MAGI1: variants seen among roughly 807,000 people sequenced by gnomAD.
The protein encoded by MAGI1 is membrane associated guanylate kinase, WW and PDZ domain containing 1, also known as membrane-associated guanylate kinase, WW and PDZ domain-containing protein 1.
MAGI1 carries 58 observed loss-of-function variants against 139.9 expected under a neutral mutation model. The observed-to-expected ratio is 0.41, with a 90% CI of 0.34 to 0.52. MAGI1 has a LOEUF of 0.52. MAGI1 is among the 20% of genes least tolerant of loss of function. The pLI is 0.12. For synonymous variants in MAGI1, 812 were observed against 737.9 expected, an observed-to-expected ratio of 1.10 and a Z score of -1.63; for missense variants, 1,874 against 1,901.6, an observed-to-expected ratio of 0.99 and a Z score of 0.27.
intron 1 of MAGI1, among the ~76,000 whole-genome samples, chr3:65,878,056 A>G (rs932027213): frequency 1.3e-5 from 2 of 152,088 alleles, no homozygotes; most frequent in Non-Finnish European, 2.9e-5. Flanking sequence ...AACTGCAGTA[A>G]GTCATCATCA....
chr3:65,927,347 A>G (rs1049462211), intron 1 of MAGI1, among the ~76,000 whole-genome samples: 1 of 152,170 alleles, frequency 6.6e-6, no homozygotes, highest in Non-Finnish European at 1.5e-5. Context: ...AAGATATTAA[A>G]GACTCACAGG....
intron 5 of MAGI1, among the ~76,000 whole-genome samples, chr3:65,466,782 G>C (rs1022211808): frequency 6.6e-6 from 1 of 151,862 alleles, no homozygotes; most frequent in African/African-American, 2.4e-5. Flanking sequence ...CTTACTGCCT[G>C]GATGCAAAGT....
At chr3:65,812,468 T>TCTCTCACACACA (rs1176899313) in intron 1 of MAGI1, among the ~76,000 whole-genome samples, 3 of 89,080 alleles carry the variant, frequency 3.4e-5, no homozygotes, top group African/African-American at 9.6e-5. Context: ...TCTCTCTCTC[T>TCTCTCACACACA]CACACACACA....
chr3:65,549,831 C>T (rs1316665808), intron 2 of MAGI1, among the ~76,000 whole-genome samples: 1 of 151,878 alleles, frequency 6.6e-6, no homozygotes, highest in Admixed American at 6.6e-5. Flanking sequence ...AGGGAGGTGC[C>T]GGTCAAACAC....
At chr3:65,384,813 C>T (rs1943323069) in intron 14 of MAGI1, among the ~76,000 whole-genome samples, 1 of 149,470 alleles carries the variant, frequency 6.7e-6, no homozygotes, top group South Asian at 2.1e-4. Context: ...GTGTGTTACA[C>T]ACAAATATTA....
intron 2 of MAGI1, among the ~76,000 whole-genome samples, chr3:65,530,744 C>T (rs1169700150): frequency 3.9e-5 from 3 of 76,438 alleles, no homozygotes; most frequent in Non-Finnish European, 2.6e-5. Context: ...TATATATGCA[C>T]ATATATATAC....
chr3:65,535,250 T>G (rs1372899568), intron 2 of MAGI1, among the ~76,000 whole-genome samples: 1 of 152,196 alleles, frequency 6.6e-6, no homozygotes, highest in East Asian at 1.9e-4. Context: ...AAAAGCCTGG[T>G]GCAGGAATAG....
Position 65,858,375 on chromosome 3 carries a change from A to G in MAGI1, c.313+179621T>C, listed in dbSNP as rs138360886. 3.9e-5 allele frequency among the ~76,000 whole-genome samples: 6 copies of G among 152,354 alleles called. No individual in the cohort carries two copies. In the East Asian group the frequency reaches 1.2e-3, roughly 29 times the overall value. On this transcript the variant is annotated intron_variant, in intron 1 of 22. Coordinates refer to ENST00000402939, the MANE Select transcript of MAGI1 (RefSeq NM_001033057.2). The stretch of plus-strand genomic sequence containing the variant: ...AAAGGAGCTCAGCCTACCATCTATG[A>G]CACAAGCCAGTTGTGGAGACAACAC...
intron 1 of MAGI1, among the ~76,000 whole-genome samples, chr3:65,706,821 ACT>A (rs2030389330): frequency 6.6e-6 from 1 of 152,028 alleles, no homozygotes; most frequent in South Asian, 2.1e-4. Flanking sequence ...AGACCACAGG[ACT>A]CTCTCAGCCA....
chr3:65,493,361 T>C, intron 3 of MAGI1, 151 bp downstream of exon 3: 1 of 808,868 alleles, frequency 1.2e-6, no homozygotes, highest in East Asian at 2.5e-5. Flanking sequence ...TCCATAGACT[T>C]TGTCTATTAT....
intron 2 of MAGI1, among the ~76,000 whole-genome samples, chr3:65,519,335 GACACACACACAC>G (rs35232258): frequency 0.21 from 29,453 of 138,728 alleles, 3,459 homozygotes; most frequent in Admixed American, 0.27. Context: ...ATCATGATCT[GACACACACACAC>G]ACACACACAC....
chr3:66,036,714 T>C, intron 1 of MAGI1, among the ~76,000 whole-genome samples: 1 of 152,218 alleles, frequency 6.6e-6, no homozygotes, highest in Non-Finnish European at 1.5e-5. Flanking sequence ...CAGCCCTTCC[T>C]TTGACACATT....
chr3:65,725,306 G>A (rs779347903), intron 1 of MAGI1, among the ~76,000 whole-genome samples: 1 of 152,164 alleles, frequency 6.6e-6, no homozygotes, highest in Admixed American at 6.6e-5. Context: ...GTGTACCCCA[G>A]TGTCTCCATC....
At chr3:65,844,246 G>A (rs1433007705) in intron 1 of MAGI1, 2 of 457,654 alleles carry the variant, frequency 4.4e-6, no homozygotes, top group East Asian at 5.8e-5. Flanking sequence ...AGATCCGGGT[G>A]AACAAAGCAC....
At chr3:65,599,056 A>G (rs963307529) in intron 2 of MAGI1, among the ~76,000 whole-genome samples, 24 of 152,302 alleles carry the variant, frequency 1.6e-4, no homozygotes, top group Admixed American at 1.4e-3. Flanking sequence ...TCCTCCAAGA[A>G]TTCATTACTA....
intron 2 of MAGI1, among the ~76,000 whole-genome samples, chr3:65,499,320 GA>G (rs2076994454): frequency 6.6e-6 from 1 of 152,128 alleles, no homozygotes; most frequent in Admixed American, 6.6e-5. Context: ...CCACCCTTGG[GA>G]AAATGTTTTA....
At chr3:65,773,903 T>C (rs1439696793) in intron 1 of MAGI1, among the ~76,000 whole-genome samples, 1 of 152,164 alleles carries the variant, frequency 6.6e-6, no homozygotes, top group Non-Finnish European at 1.5e-5. Context: ...AAGTTACTTG[T>C]GGTTGCTGAA....
intron 12 of MAGI1, among the ~76,000 whole-genome samples, chr3:65,416,948 CAT>C (rs1322333033): frequency 6.6e-6 from 1 of 152,110 alleles, no homozygotes; most frequent in East Asian, 1.9e-4. Flanking sequence ...CAGTAAGCAC[CAT>C]GGCAAATACT....
intron 1 of MAGI1, among the ~76,000 whole-genome samples, chr3:65,936,225 G>T (rs1244366745): frequency 2.0e-5 from 3 of 152,126 alleles, no homozygotes; most frequent in African/African-American, 7.2e-5. Context: ...AACCTCCCAA[G>T]GCCCTAGAAA....
Sources: allele counts gnomAD v4.1 joint callset (sites outside exome capture counted in the v4.1 genomes callset), GRCh38; gene constraint gnomAD v4.1.1; transcripts MANE v1.5; gene names NCBI Gene and HGNC (gene_info 2026-07-23, HGNC 2026-07-21).